The following GSG1L variants were observed in gnomAD, a reference collection of about 807,000 sequenced individuals.
GSG1L encodes the protein GSG1 like.
Under a neutral mutation model 42.1 loss-of-function variants are expected in GSG1L, and 24 were observed. That is an observed-to-expected ratio of 0.57 (90% CI 0.41 to 0.80). The LOEUF is 0.80. Among genes scored for constraint, GSG1L ranks in the 30% least tolerant of loss-of-function variants. The pLI is 0.00. For missense variants in GSG1L, 445 were observed against 472.2 expected, an observed-to-expected ratio of 0.94 and a Z score of 0.53; for synonymous variants, 215 against 203.5, an observed-to-expected ratio of 1.06 and a Z score of -0.48.
chr16:27,788,781 C>T lies in GSG1L; in HGVS notation c.*2589G>A, dbSNP rs2144371876. 1 of 152,326 alleles carries T rather than the reference C, an allele frequency of 6.6e-6. No individual in the cohort carries two copies. Among genetic ancestry groups the T allele is most frequent in the East Asian group, 1.9e-4 (1 of 5,192 alleles). The allele number at this position is 152,326 out of a possible 1,614,324, so 9.4% of individuals were successfully genotyped here. Reference sequence around the variant, plus strand: ...GTTCTAGACACTTCAAATATGTTAGCTCATTTAATTTGCACAACAGCTTGA... The same window carrying T: ...GTTCTAGACACTTCAAATATGTTAGTTCATTTAATTTGCACAACAGCTTGA... On this transcript the variant is annotated 3_prime_UTR_variant, in exon 7 of 7. Transcript: ENST00000447459.
chr16:27,825,627 C>T lies in GSG1L; in HGVS notation c.830+3162G>A, dbSNP rs189051205. ...AGTGAGCTGTGCTTGTGTCACTGTA[C>T]TCAGTCTGGGTGACTGATATGGTTT... On this transcript the variant is annotated intron_variant, in intron 5 of 6. Coordinates refer to ENST00000447459, the MANE Select transcript of GSG1L (RefSeq NM_001109763.2). 2.6e-5 allele frequency among the ~76,000 whole-genome samples: 4 copies of T among 152,306 alleles called. No homozygotes were observed. In the East Asian group the frequency reaches 7.7e-4, roughly 29 times the overall value.
chr16:27,921,986 T>C lies in GSG1L; in HGVS notation c.398-37348A>G, dbSNP rs1412133388. ...TCTCTCTCTGTTTTTATTGTTGTTG[T>C]TGTTGTTTGTTGTCTTTTTTTTTTT... On this transcript the variant is annotated intron_variant, in intron 2 of 6. Transcript: ENST00000447459. Among the ~76,000 whole-genome samples, 5 of 142,652 alleles carry C rather than the reference T, an allele frequency of 3.5e-5. No homozygotes were observed. In the Admixed American group the frequency reaches 3.8e-4, roughly 11 times the overall value. The allele number at this position is 142,652 out of a possible 152,430, so 93.6% of individuals were successfully genotyped here. A position where few individuals can be genotyped will look rare whatever the true frequency, so the allele number is the denominator to read the frequency against.
intron 1 of GSG1L, among the ~76,000 whole-genome samples, chr16:28,060,546 TCTAA>T (rs557842665): frequency 1.4e-3 from 216 of 152,268 alleles, no homozygotes; most frequent in African/African-American, 4.8e-3. Context: ...CATCCGCATT[TCTAA>T]CTGAGTTTTG....
At chr16:27,867,034 G>A (rs1055793266) in intron 3 of GSG1L, among the ~76,000 whole-genome samples, 3 of 152,194 alleles carry the variant, frequency 2.0e-5, no homozygotes, top group Non-Finnish European at 2.9e-5. Context: ...ATTCAAATGT[G>A]TCTTCCAATC....
intron 4 of GSG1L, among the ~76,000 whole-genome samples, chr16:27,835,647 A>G (rs1388400924): frequency 2.0e-5 from 3 of 150,546 alleles, no homozygotes; most frequent in Non-Finnish European, 4.4e-5. Context: ...TGATTTATCT[A>G]TAGTTATTTT....
chr16:27,823,915 C>T (rs2140960820), intron 5 of GSG1L: 1 of 702,972 alleles, frequency 1.4e-6, no homozygotes, highest in Non-Finnish European at 2.6e-6. Flanking sequence ...CGATTTGCCA[C>T]CTGTAAAATG....
intron 2 of GSG1L, among the ~76,000 whole-genome samples, chr16:27,898,738 TTC>T (rs1282899789): frequency 1.3e-5 from 2 of 151,828 alleles, no homozygotes; most frequent in Admixed American, 6.6e-5. Context: ...GTGTGTGTGT[TTC>T]TCTGTCTCCC....
chr16:27,855,529 G>A (rs774028927), intron 3 of GSG1L, among the ~76,000 whole-genome samples: 2 of 151,994 alleles, frequency 1.3e-5, no homozygotes, highest in Non-Finnish European at 2.9e-5. Flanking sequence ...AGACCAACCT[G>A]GACAACATGG....
At position 27,804,048 on chromosome 16, in the gene GSG1L, T is replaced by TAC. The variant is rs749537967; in HGVS notation, c.898+3438_898+3439insGT. ...TAGATAGATTAGATGGATAGATAGA[T>TAC]AGATAGATAGATAGATAGATAGATA... On this transcript the variant is annotated intron_variant, in intron 6 of 6. Coordinates refer to ENST00000447459, the MANE Select transcript of GSG1L (RefSeq NM_001109763.2). Among the ~76,000 whole-genome samples, 320 of 46,986 alleles carry TAC rather than the reference T, an allele frequency of 6.8e-3. 2 individuals carry two copies. Among genetic ancestry groups the TAC allele is most frequent in the African/African-American group, 0.016 (204 of 12,828 alleles). 30.8% of individuals were successfully genotyped at this position (46,986 alleles called of 152,430 possible).
intron 6 of GSG1L, among the ~76,000 whole-genome samples, chr16:27,799,723 G>C (rs12599373): frequency 0.17 from 25,690 of 151,942 alleles, 2,185 homozygotes; most frequent in African/African-American, 0.21. Context: ...TGCTGTTATA[G>C]GAGGTTTTAG....
intron 2 of GSG1L, among the ~76,000 whole-genome samples, chr16:27,886,389 G>A (rs921205911): frequency 1.3e-5 from 2 of 152,144 alleles, no homozygotes; most frequent in Non-Finnish European, 2.9e-5. Context: ...GCAGTGAGCC[G>A]AGATAGCACC....
At chr16:27,803,766 C>CATATATAT (rs3047681) in intron 6 of GSG1L, among the ~76,000 whole-genome samples, 2,520 of 117,146 alleles carry the variant, frequency 0.022, 16 homozygotes, top group Admixed American at 0.047. Context: ...ACAGTGCAGA[C>CATATATAT]ATATATATAT....
intron 3 of GSG1L, among the ~76,000 whole-genome samples, chr16:27,871,981 A>G (rs2083827355): frequency 6.6e-6 from 1 of 152,240 alleles, no homozygotes; most frequent in Non-Finnish European, 1.5e-5. Context: ...ACTAAAAATC[A>G]TTGAATTATA....
chr16:28,013,219 C>CAAA (rs34795413), intron 1 of GSG1L, among the ~76,000 whole-genome samples: 1,474 of 142,024 alleles, frequency 0.01, 25 homozygotes, highest in African/African-American at 0.036. Flanking sequence ...AACTCTGACT[C>CAAA]AAAAAAAAAA....
chr16:27,982,835 C>T (rs763122461), intron 1 of GSG1L, among the ~76,000 whole-genome samples: 7 of 152,110 alleles, frequency 4.6e-5, no homozygotes, highest in Non-Finnish European at 1.0e-4. Context: ...TTGTCGTGGG[C>T]AGGGCACCAA....
chr16:27,919,107 A>C (rs567357482), intron 2 of GSG1L, among the ~76,000 whole-genome samples: 1 of 152,272 alleles, frequency 6.6e-6, no homozygotes, highest in South Asian at 2.1e-4. Context: ...CAGTAGAAAC[A>C]GGCCCAGAGA....
intron 3 of GSG1L, among the ~76,000 whole-genome samples, chr16:27,856,247 A>G (rs1462095284): frequency 1.3e-5 from 2 of 152,176 alleles, no homozygotes; most frequent in African/African-American, 2.4e-5. Flanking sequence ...GAGGGCAGGG[A>G]CAGTGGGGGA....
chr16:27,861,082 T>C lies in GSG1L; in HGVS notation c.551-16021A>G, dbSNP rs1353858230. ...CATTGTAGGTCTAGAAAAGTGAAAGTGAGGGCCGGGTTCGGTGGTTCATGC... is the reference window on the plus strand; with the variant it reads ...CATTGTAGGTCTAGAAAAGTGAAAGCGAGGGCCGGGTTCGGTGGTTCATGC... On this transcript the variant is annotated intron_variant, in intron 3 of 6. Transcript: ENST00000447459. Among the ~76,000 whole-genome samples the C allele has an allele frequency of 3.3e-5, 5 of 152,054 alleles. No individual in the cohort carries two copies. In the East Asian group the frequency reaches 7.7e-4, roughly 23 times the overall value.
chr16:27,874,690 A>G (rs2083865725), intron 3 of GSG1L, among the ~76,000 whole-genome samples: 1 of 152,094 alleles, frequency 6.6e-6, no homozygotes. Context: ...AAGAGACAGC[A>G]TGGGAGCTCT....
Sources: gnomAD v4.1 joint callset for allele counts (sites outside exome capture counted in the v4.1 genomes callset) on GRCh38, gnomAD v4.1.1 for gene constraint, MANE v1.5 for transcripts, NCBI Gene and HGNC (gene_info 2026-07-23, HGNC 2026-07-21) for gene names.